The following PSMF1 variants were observed in gnomAD, a reference collection of about 807,000 sequenced individuals.
PSMF1 encodes the protein proteasome inhibitor subunit 1, also known as proteasome inhibitor PI31 subunit.
A neutral mutation model predicts 29.3 loss-of-function variants in PSMF1; 30 were observed. The ratio of observed to expected loss-of-function variants is 1.02; its 90% CI spans 0.77 to 1.39. The LOEUF (loss-of-function observed/expected upper bound fraction) is 1.39. Among genes scored for constraint, PSMF1 ranks in the 40% most tolerant of loss-of-function variants. The probability of loss-of-function intolerance (pLI) is 0.00; values close to 1 mark genes in which losing one functional copy is unlikely to be tolerated. For synonymous variants in PSMF1, 134 were observed against 139.7 expected (o/e 0.96, Z 0.29); for missense variants, 344 against 357.5 (o/e 0.96, Z 0.31).
Position 1,164,923 on chromosome 20 carries a change from G to T in PSMF1, c.765-106G>T, listed in dbSNP as rs529926809. On this transcript the variant is annotated intron_variant, in intron 6 of 6. Coordinates refer to ENST00000335877, the MANE Select transcript of PSMF1 (RefSeq NM_006814.5). This position sits in a 1 kb window ranked among gnomAD's most constrained non-coding sequence, Gnocchi z 4.1. The stretch of plus-strand genomic sequence containing the variant: ...TGCATGTGTTTAAATTCCTCACACC[G>T]CCACATCATGTTGAAGGGCAGGCTC... 2 of 1,008,526 alleles carry T rather than the reference G, an allele frequency of 2.0e-6. No homozygotes were observed. The highest frequency in any genetic ancestry group is 3.2e-5 in the African/African-American group (2 of 62,924). 62.5% of individuals were successfully genotyped at this position (1,008,526 alleles called of 1,614,324 possible). A position where few individuals can be genotyped will look rare whatever the true frequency, so the allele number is the denominator to read the frequency against.
chr20:1,120,693 A>G (rs558564056), intron 1 of PSMF1, among the ~76,000 whole-genome samples: 1 of 152,302 alleles, frequency 6.6e-6, no homozygotes, highest in Non-Finnish European at 1.5e-5. Context: ...GAAGAGGAGT[A>G]AGATTTGATT....
chr20:1,147,156 C>CATT (rs1261586187), intron 4 of PSMF1, among the ~76,000 whole-genome samples: 1 of 123,496 alleles, frequency 8.1e-6, no homozygotes, highest in Non-Finnish European at 1.7e-5. Flanking sequence ...TCATCATCAT[C>CATT]ATCATCATCA....
At chr20:1,113,999 G>C (rs1010520549), upstream of PSMF1, among the ~76,000 whole-genome samples, 3 of 152,114 alleles carry the variant, frequency 2.0e-5, no homozygotes, top group African/African-American at 4.8e-5. Context: ...CCTGGGTTAC[G>C]GACTTTCTAA....
Position 1,164,090 on chromosome 20 carries a change from A to G in PSMF1, c.606-228A>G, listed in dbSNP as rs1389964237. ...GAACCAAAAGCACTGTGCAGAACCA[A>G]CCCCTGCAGAGCCAGAAGTACTCAG... On this transcript the variant is annotated intron_variant, in intron 5 of 6. Transcript: ENST00000335877. This position sits in a 1 kb window ranked among gnomAD's most constrained non-coding sequence, Gnocchi z 4.1. Among the ~76,000 whole-genome samples the G allele has an allele frequency of 6.6e-6, 1 of 151,874 alleles. No homozygotes were observed. Among genetic ancestry groups the G allele is most frequent in the Non-Finnish European group, 1.5e-5 (1 of 67,974 alleles).
intron 4 of PSMF1, chr20:1,161,692 T>C: frequency 1.6e-6 from 1 of 636,540 alleles, no homozygotes; most frequent in South Asian, 1.7e-5. Flanking sequence ...CCACAAATGC[T>C]TCTAAATGGA....
At chr20:1,127,233 G>C in intron 2 of PSMF1, 193 bp from the exon 3 acceptor site, 1 of 751,464 alleles carries the variant, frequency 1.3e-6, no homozygotes, top group South Asian at 1.4e-5. Context: ...TCTCTGCCTT[G>C]GAAAGGCAAT....
At chr20:1,120,288 T>C (rs1220164696) in intron 1 of PSMF1, among the ~76,000 whole-genome samples, 2 of 152,024 alleles carry the variant, frequency 1.3e-5, no homozygotes, top group Admixed American at 6.5e-5. Flanking sequence ...TCACACATAC[T>C]TCATCTCTCA....
At chr20:1,144,721 A>G (rs1272851512) in intron 4 of PSMF1, among the ~76,000 whole-genome samples, 1 of 152,220 alleles carries the variant, frequency 6.6e-6, no homozygotes, top group Non-Finnish European at 1.5e-5. Context: ...TTTTAAAATG[A>G]CACAGTTATA....
chr20:1,138,669 T>C (rs765412107), intron 4 of PSMF1, among the ~76,000 whole-genome samples: 2 of 151,170 alleles, frequency 1.3e-5, no homozygotes, highest in Admixed American at 6.6e-5. Context: ...ACAAAAAAAA[T>C]TAAAAATTAG....
chr20:1,142,081 G>T (rs142418883), intron 4 of PSMF1, among the ~76,000 whole-genome samples: 1 of 152,100 alleles, frequency 6.6e-6, no homozygotes, highest in African/African-American at 2.4e-5. Context: ...AATTAGCCAG[G>T]TGTGGTGGCG....
chr20:1,126,358 A>G (rs765255071), intron 2 of PSMF1, among the ~76,000 whole-genome samples: 3 of 152,102 alleles, frequency 2.0e-5, no homozygotes, highest in East Asian at 1.9e-4. Context: ...ATTATACTGC[A>G]CTTTGCTTTT....
At chr20:1,113,455 C>CACACAT (rs2085985115) in intron 1 of PSMF1, 1 of 149,626 alleles carries the variant, frequency 6.7e-6, no homozygotes, top group Non-Finnish European at 1.5e-5. Context: ...AACACACACA[C>CACACAT]ACACACACAC....
chr20:1,133,710 TG>T (rs2086266793), intron 3 of PSMF1, among the ~76,000 whole-genome samples: 4 of 151,132 alleles, frequency 2.6e-5, no homozygotes, highest in African/African-American at 7.3e-5. Context: ...CTTCTTTGAA[TG>T]TTTGGTAGAA....
intron 4 of PSMF1, among the ~76,000 whole-genome samples, chr20:1,156,186 C>G (rs753770484): frequency 4.6e-5 from 7 of 152,062 alleles, no homozygotes; most frequent in Non-Finnish European, 7.4e-5. Context: ...AGTCAGTGAA[C>G]TTGAAGATAG....
chr20:1,147,228 A>G (rs1415130281), intron 4 of PSMF1, among the ~76,000 whole-genome samples: 4 of 152,108 alleles, frequency 2.6e-5, no homozygotes, highest in Non-Finnish European at 4.4e-5. Flanking sequence ...GCTGTTCACC[A>G]TGCGTTGGCC....
In PSMF1 at chr20:1,166,288, G is replaced by A. The variant is rs779824942; in HGVS notation, c.*1208G>A. 22 of 1,605,486 alleles carry A rather than the reference G, an allele frequency of 1.4e-5. No homozygotes were observed. In the South Asian group the frequency reaches 2.4e-4, roughly 18 times the overall value. ...GTTCTGGAGTGGAAAGAGCACGATA[G>A]AGCACCAGGCTAAGAGGCACGAGAT... On this transcript the variant is annotated 3_prime_UTR_variant, in exon 7 of 7. Coordinates refer to ENST00000335877, the MANE Select transcript of PSMF1 (RefSeq NM_006814.5).
chr20:1,115,989 C>T (rs573342449), upstream of PSMF1, among the ~76,000 whole-genome samples: 3 of 151,484 alleles, frequency 2.0e-5, no homozygotes, highest in South Asian at 2.1e-4. Context: ...CCTCAGCCTC[C>T]CAAAGTGCTG....
chr20:1,150,979 T>C (rs1019249462), intron 4 of PSMF1, among the ~76,000 whole-genome samples: 2 of 152,260 alleles, frequency 1.3e-5, no homozygotes, highest in African/African-American at 4.8e-5. Context: ...CACATTGATA[T>C]CCAGTTGGTC....
Position 1,168,054 on chromosome 20 carries a change from G to A in PSMF1, c.*2974G>A, listed in dbSNP as rs1219342119. The stretch of plus-strand genomic sequence containing the variant: ...AGTTAGCGTGAAGTAGCATCTCATT[G>A]TGGTCTTCTCTTCCATTTTTTAAAA... On this transcript the variant is annotated 3_prime_UTR_variant, in exon 7 of 7. Coordinates refer to ENST00000335877, the MANE Select transcript of PSMF1 (RefSeq NM_006814.5). The A allele has an allele frequency of 1.3e-5, 2 of 152,174 alleles. No individual in the cohort carries two copies. The highest frequency in any genetic ancestry group is 4.8e-5 in the African/African-American group (2 of 41,424). The allele number at this position is 152,174 out of a possible 1,614,324, so 9.4% of individuals were successfully genotyped here.
Sources: allele counts gnomAD v4.1 joint callset (sites outside exome capture counted in the v4.1 genomes callset), GRCh38; gene constraint gnomAD v4.1.1; non-coding constraint Gnocchi (gnomAD v3.1); transcripts MANE v1.5; gene names NCBI Gene and HGNC (gene_info 2026-07-23, HGNC 2026-07-21).